Variants in CHST4 observed in about 807,000 individuals in gnomAD.
CHST4 encodes carbohydrate sulfotransferase 4.
For missense variants in CHST4, 466 were observed against 506.0 expected (o/e 0.92, Z 0.76); for synonymous variants, 171 against 195.5 (o/e 0.87, Z 1.05).
intron 1 of CHST4, among the ~76,000 whole-genome samples, chr16:71,530,313 C>T (rs1029136010): frequency 1.3e-5 from 2 of 152,062 alleles, no homozygotes; most frequent in African/African-American, 4.8e-5. Context: ...AACTGAAAGT[C>T]GGGAGCCTAA....
chr16:71,526,624 G>T (rs969465247), intron 1 of CHST4, 129 bp downstream of exon 1: 1 of 152,110 alleles, frequency 6.6e-6, no homozygotes, highest in Non-Finnish European at 1.5e-5. Flanking sequence ...TGCGCAGAGG[G>T]GATAAATCAG....
In CHST4 at chr16:71,535,031, G is replaced by A. The variant is rs569488745; in HGVS notation, c.-18-1629G>A. Among the ~76,000 whole-genome samples the A allele has an allele frequency of 5.9e-5, 9 of 152,284 alleles. No individual in the cohort carries two copies. In the South Asian group the frequency reaches 1.9e-3, roughly 32 times the overall value. ...ACTGGGAACCGTGGTCCTTTCACAC[G>A]AAGCAAGCCCTGATTGCAAAATGTT... On this transcript the variant is annotated intron_variant, in intron 1 of 1. Coordinates refer to ENST00000539698, the MANE Select transcript of CHST4 (RefSeq NM_001166395.2).
chr16:71,528,391 G>C (rs532568243), intron 1 of CHST4, among the ~76,000 whole-genome samples: 1 of 151,650 alleles, frequency 6.6e-6, no homozygotes, highest in South Asian at 2.1e-4. Flanking sequence ...AAAAAACACT[G>C]TACAAATATA....
chr16:71,535,908 G>T (rs1466366926), intron 1 of CHST4, among the ~76,000 whole-genome samples: 2 of 152,184 alleles, frequency 1.3e-5, no homozygotes, highest in African/African-American at 2.4e-5. Flanking sequence ...TTGCTATCTA[G>T]GGCAAGGTGA....
At chr16:71,528,142 C>T (rs550083826) in intron 1 of CHST4, among the ~76,000 whole-genome samples, 19 of 149,682 alleles carry the variant, frequency 1.3e-4, no homozygotes, top group Non-Finnish European at 2.2e-4. Context: ...CCAGGTCACT[C>T]GGGAGGCTGA....
In CHST4 at chr16:71,537,709, T is replaced by C; in HGVS notation, c.1032T>C (p.Ser344=). The change falls in exon 2 of 2, where the codon TCT becomes TCC. Residue 344 remains serine (S), a synonymous_variant. Coordinates refer to ENST00000539698, the MANE Select transcript of CHST4 (RefSeq NM_001166395.2). This position sits in a 1 kb window ranked among gnomAD's most constrained non-coding sequence, Gnocchi z 4.2. ...GGTCTTTGCCCTATGAAAAGGTTTC[T>C]CGACTTCAGAAAGCCTGTGGCGATG... is the stretch of plus-strand genomic sequence containing the variant. The part of the protein sequence containing the change: ...WRWSLPYEKV[S]RLQKACGDAM... The C allele has an allele frequency of 6.2e-7, 1 of 1,614,216 alleles. No homozygotes were observed. The highest frequency in any genetic ancestry group is 8.5e-7 in the Non-Finnish European group (1 of 1,180,034).
At chr16:71,533,241 A>G (rs963080517) in intron 1 of CHST4, among the ~76,000 whole-genome samples, 5 of 151,976 alleles carry the variant, frequency 3.3e-5, no homozygotes, top group African/African-American at 1.2e-4. Flanking sequence ...CCTGGCTAAC[A>G]TGGTGAAACC....
chr16:71,527,248 A>G (rs1023535598), intron 1 of CHST4, among the ~76,000 whole-genome samples: 3 of 152,178 alleles, frequency 2.0e-5, no homozygotes, highest in African/African-American at 7.2e-5. Flanking sequence ...ATACTTTTCT[A>G]TGTGTAAAAT....
intron 1 of CHST4, among the ~76,000 whole-genome samples, chr16:71,530,394 G>T (rs1239712645): frequency 6.6e-6 from 1 of 152,166 alleles, no homozygotes; most frequent in African/African-American, 2.4e-5. Flanking sequence ...CGAGGTGTGG[G>T]GATGTTTATT....
rs1425893139 is a variant in CHST4 at position 71,538,103 on chromosome 16, T to G, written c.*265T>G. On this transcript the variant is annotated 3_prime_UTR_variant, in exon 2 of 2. Transcript: ENST00000539698. Reference sequence around the variant, plus strand: ...TTCTTCTTTTCTTGATCTTCCTGTCTGGGCAGACTTCAGAGACTTTGTGGC... The same window carrying G: ...TTCTTCTTTTCTTGATCTTCCTGTCGGGGCAGACTTCAGAGACTTTGTGGC... The G allele has an allele frequency of 1.4e-5, 7 of 494,484 alleles. No individual in the cohort carries two copies. The highest frequency in any genetic ancestry group is 2.2e-5 in the Non-Finnish European group (6 of 271,202). 30.6% of individuals were successfully genotyped at this position (494,484 alleles called of 1,614,324 possible). A position where few individuals can be genotyped will look rare whatever the true frequency, so the allele number is the denominator to read the frequency against.
At chr16:71,530,870 T>C (rs984630339) in intron 1 of CHST4, among the ~76,000 whole-genome samples, 1 of 151,738 alleles carries the variant, frequency 6.6e-6, no homozygotes, top group African/African-American at 2.4e-5. Context: ...CACTTGAGGT[T>C]AGGAGTTTGA....
At position 71,537,518 on chromosome 16, in the gene CHST4, C is replaced by G. The variant is rs188876913; in HGVS notation, c.841C>G (p.Arg281Gly). The change falls in exon 2 of 2, where the codon CGA becomes GGA. Residue 281 changes from arginine (R) to glycine (G), a missense_variant. Physicochemically the swap from Arg to Gly is moderately radical, Grantham distance 125. Coordinates refer to ENST00000539698, the MANE Select transcript of CHST4 (RefSeq NM_001166395.2). The surrounding 1 kb of genome is among the most constrained non-coding windows in gnomAD (Gnocchi z 4.2). ...YLLVRYEDLA[R>G]APVAQTSRMY... ...GCTTGTGCGCTATGAGGACCTGGCT[C>G]GAGCCCCTGTGGCCCAGACTTCCCG... The G allele has an allele frequency of 4.3e-6, 7 of 1,614,184 alleles. No homozygotes were observed. The African/African-American group carries it at 6.7e-5, about 15-fold the overall frequency.
chr16:71,538,169 A>T lies in CHST4; in HGVS notation c.*331A>T, dbSNP rs954855749. 1.4e-5 allele frequency: 4 copies of T among 282,500 alleles called. No homozygotes were observed. The highest frequency in any genetic ancestry group is 2.8e-5 in the Non-Finnish European group (4 of 141,590). The allele number at this position is 282,500 out of a possible 1,614,324, so 17.5% of individuals were successfully genotyped here. On this transcript the variant is annotated 3_prime_UTR_variant, in exon 2 of 2. Coordinates refer to ENST00000539698, the MANE Select transcript of CHST4 (RefSeq NM_001166395.2). ...GCACGACACAGTATCAGTGGAATTG[A>T]TCCATAAACCTCCCTGTCCACATCT...
intron 1 of CHST4, among the ~76,000 whole-genome samples, chr16:71,526,749 C>T (rs941569207): frequency 5.3e-5 from 8 of 152,212 alleles, no homozygotes; most frequent in African/African-American, 1.7e-4. Context: ...GCAGATCAGG[C>T]TGTTCTGATG....
chr16:71,532,283 G>A (rs571167536), intron 1 of CHST4, among the ~76,000 whole-genome samples: 2 of 152,006 alleles, frequency 1.3e-5, no homozygotes, highest in South Asian at 2.1e-4. Flanking sequence ...TCCTGACCTC[G>A]TGATCCACCC....
At chr16:71,527,162 A>G (rs2043914218) in intron 1 of CHST4, among the ~76,000 whole-genome samples, 1 of 152,236 alleles carries the variant, frequency 6.6e-6, no homozygotes, top group South Asian at 2.1e-4. Context: ...TATGGTGCCA[A>G]CATATCAGCT....
intron 1 of CHST4, among the ~76,000 whole-genome samples, chr16:71,532,237 C>T (rs1270546151): frequency 2.6e-5 from 4 of 151,910 alleles, no homozygotes; most frequent in South Asian, 4.1e-4. Context: ...TTAGTAGAGA[C>T]GGGGTTTCAC....
At chr16:71,532,144 T>G (rs1474865268) in intron 1 of CHST4, among the ~76,000 whole-genome samples, 1 of 147,900 alleles carries the variant, frequency 6.8e-6, no homozygotes, top group African/African-American at 2.5e-5. Flanking sequence ...GCCTCCTGGG[T>G]TCACGCCGTT....
intron 1 of CHST4, among the ~76,000 whole-genome samples, chr16:71,535,971 A>G (rs949795978): frequency 1.3e-5 from 2 of 152,164 alleles, no homozygotes; most frequent in African/African-American, 4.8e-5. Flanking sequence ...CTCTACACTG[A>G]TGGCAAAACA....
Sources: gnomAD v4.1 joint callset for allele counts (sites outside exome capture counted in the v4.1 genomes callset) on GRCh38, gnomAD v4.1.1 for gene constraint, Gnocchi (gnomAD v3.1) non-coding constraint, MANE v1.5 for transcripts, NCBI Gene and HGNC (gene_info 2026-07-23, HGNC 2026-07-21) for gene names.